The following DGCR2 variants were observed in gnomAD, a reference collection of about 807,000 sequenced individuals.
DGCR2 encodes DiGeorge syndrome critical region gene 2.
A neutral mutation model predicts 51.6 loss-of-function variants in DGCR2; 24 were observed. That is an observed-to-expected ratio of 0.47 (90% CI 0.34 to 0.65). The LOEUF (loss-of-function observed/expected upper bound fraction) is 0.65, where lower values mean the gene tolerates loss of function less well. Ranked by LOEUF, DGCR2 falls within the 30% of genes least tolerant of loss-of-function variation. The probability of loss-of-function intolerance (pLI) is 0.01; values close to 1 mark genes in which losing one functional copy is unlikely to be tolerated. For synonymous variants in DGCR2, 340 were observed against 315.4 expected (o/e 1.08, Z -0.82); for missense variants, 765 against 772.1 (o/e 0.99, Z 0.11).
chr22:19,038,963 C>A lies in DGCR2; in HGVS notation c.1555G>T (p.Val519Leu), dbSNP rs138506410. ...DSADSSSALL[V>L]PPDPAQSGST... ...CCGCTCTGGGCAGGGTCAGGGGGCA[C>A]GAGCAGGGCGCTGCTGCTGTCGGCA... The change falls in exon 10 of 10, where the codon GTG (valine) becomes TTG (leucine). Residue 519 changes from valine to leucine, a missense_variant. Transcript: ENST00000263196. 1.2e-6 allele frequency: 2 copies of A among 1,611,804 alleles called. No individual in the cohort carries two copies. Among genetic ancestry groups the A allele is most frequent in the Non-Finnish European group, 1.7e-6 (2 of 1,179,406 alleles).
intron 1 of DGCR2, among the ~76,000 whole-genome samples, chr22:19,101,003 G>T (rs1360241364): frequency 6.6e-6 from 1 of 152,070 alleles, no homozygotes; most frequent in Non-Finnish European, 1.5e-5. Context: ...CTACTCGGGA[G>T]GCTGAAGTGG....
At chr22:19,056,376 T>A (rs1601522012) in intron 6 of DGCR2, 1 of 363,858 alleles carries the variant, frequency 2.7e-6, no homozygotes, top group Non-Finnish European at 5.1e-6. Context: ...CTCGGCAACA[T>A]CACACACATG....
Position 19,048,480 on chromosome 22 carries a change from C to T in DGCR2, c.966G>A (p.Lys322=). 1 of 1,614,208 alleles carries T rather than the reference C, an allele frequency of 6.2e-7. No homozygotes were observed. Among genetic ancestry groups the T allele is most frequent in the Non-Finnish European group, 8.5e-7 (1 of 1,180,044 alleles). Residue 322 remains lysine, a synonymous_variant, in exon 7 of 10, where the codon AAG becomes AAA. Coordinates refer to ENST00000263196, the MANE Select transcript of DGCR2 (RefSeq NM_005137.3). Reference sequence around the variant, plus strand: ...TGAACTTGCAGCACTCTTTGGGGTCCTTGCGGTACTGTTGGCAGCCCTGGG... The same window carrying T: ...TGAACTTGCAGCACTCTTTGGGGTCTTTGCGGTACTGTTGGCAGCCCTGGG... ...ERPQGCQQYR[K]DPKECCKFMC...
rs2082377183 is a variant in DGCR2, at chr22:19,037,062, C to T, written c.*1803G>A. On this transcript the variant is annotated 3_prime_UTR_variant, in exon 10 of 10. Transcript: ENST00000263196. ...ATGCACATGCCTGCTGCTCTGGAACCTGGCTGCCCTGCCCCAGTGCATGTG... is the reference window on the plus strand; with the variant it reads ...ATGCACATGCCTGCTGCTCTGGAACTTGGCTGCCCTGCCCCAGTGCATGTG... 1 of 152,450 alleles carries T rather than the reference C, an allele frequency of 6.6e-6. No homozygotes were observed. The highest frequency in any genetic ancestry group is 2.1e-4 in the South Asian group (1 of 4,828). 9.4% of individuals were successfully genotyped at this position (152,450 alleles called of 1,614,324 possible).
chr22:19,083,097 A>G (rs1215901773), intron 2 of DGCR2, among the ~76,000 whole-genome samples: 1 of 152,118 alleles, frequency 6.6e-6, no homozygotes, highest in Non-Finnish European at 1.5e-5. Context: ...AAAAAAAAAA[A>G]AAAAGAAAAA....
intron 2 of DGCR2, among the ~76,000 whole-genome samples, chr22:19,077,543 A>G (rs1292194289): frequency 6.6e-6 from 1 of 152,204 alleles, no homozygotes; most frequent in Non-Finnish European, 1.5e-5. Flanking sequence ...CCATTGGTCT[A>G]TATGTCTGTC....
rs569030996 is a variant in DGCR2 at position 19,079,666 on chromosome 22, T to C, written c.202+9702A>G. 2.3e-3 allele frequency among the ~76,000 whole-genome samples: 343 copies of C among 152,364 alleles called. 2 individuals are homozygous for C. The highest frequency in any genetic ancestry group is 4.3e-3 in the Non-Finnish European group (290 of 68,038). On this transcript the variant is annotated intron_variant, in intron 2 of 9. Transcript: ENST00000263196. ...ATGTAATCCTCACAACAACCCCAAG[T>C]GACAGGCACTATTATTTTCTCCATT...
At chr22:19,087,400 T>C (rs143013093) in intron 2 of DGCR2, among the ~76,000 whole-genome samples, 43 of 152,120 alleles carry the variant, frequency 2.8e-4, no homozygotes, top group East Asian at 9.7e-4. Context: ...ATTCTTTTCT[T>C]TTTTTTTGAA....
chr22:19,071,081 C>T (rs796799825), intron 2 of DGCR2, among the ~76,000 whole-genome samples: 8 of 152,378 alleles, frequency 5.3e-5, no homozygotes, highest in African/African-American at 1.9e-4. Flanking sequence ...TCCACCTCCA[C>T]CAGGGCCATG....
chr22:19,121,495 G>A (rs1171575167), intron 1 of DGCR2: 1 of 152,234 alleles, frequency 6.6e-6, no homozygotes, highest in Non-Finnish European at 1.5e-5. Flanking sequence ...CCCCACCACA[G>A]ACTTAAGAAC....
rs111958116 is a variant in DGCR2 at position 19,048,011 on chromosome 22, G to A, written c.1006+429C>T. On this transcript the variant is annotated intron_variant, in intron 7 of 9. Coordinates refer to ENST00000263196, the MANE Select transcript of DGCR2 (RefSeq NM_005137.3). Reference sequence around the variant, plus strand: ...GTTGAAGACCTGGTCTGGACAACATGGCGAAACCCCGTCTCTACTAAAAAT... The same window carrying A: ...GTTGAAGACCTGGTCTGGACAACATAGCGAAACCCCGTCTCTACTAAAAAT... The A allele has an allele frequency of 6.4e-3, 1,505 of 234,424 alleles. 8 individuals carry two copies. Among genetic ancestry groups the A allele is most frequent in the Non-Finnish European group, 0.01 (1,208 of 116,106 alleles). 14.5% of individuals were successfully genotyped at this position (234,424 alleles called of 1,614,324 possible).
At chr22:19,102,310 G>C (rs559945611) in intron 1 of DGCR2, among the ~76,000 whole-genome samples, 1 of 152,222 alleles carries the variant, frequency 6.6e-6, no homozygotes, top group Non-Finnish European at 1.5e-5. Context: ...TATAGTTTCT[G>C]TTTGGATTGA....
At chr22:19,087,153 C>G (rs923385813) in intron 2 of DGCR2, among the ~76,000 whole-genome samples, 3 of 152,126 alleles carry the variant, frequency 2.0e-5, no homozygotes, top group Admixed American at 6.5e-5. Context: ...GCTGACCAAC[C>G]AGGGAACTTC....
intron 2 of DGCR2, among the ~76,000 whole-genome samples, chr22:19,078,601 T>C (rs529055115): frequency 6.6e-6 from 1 of 152,210 alleles, no homozygotes; most frequent in Non-Finnish European, 1.5e-5. Context: ...TTCAATACTA[T>C]GGTGAATAAG....
At chr22:19,043,760 C>T (rs2082458757) in intron 7 of DGCR2, among the ~76,000 whole-genome samples, 1 of 152,192 alleles carries the variant, frequency 6.6e-6, no homozygotes, top group Non-Finnish European at 1.5e-5. Context: ...GGCTGGGTTC[C>T]CAGAGCCCTC....
chr22:19,101,068 G>A (rs758348247), intron 1 of DGCR2, among the ~76,000 whole-genome samples: 10 of 152,190 alleles, frequency 6.6e-5, no homozygotes, highest in East Asian at 1.9e-4. Flanking sequence ...CCGAGACTGC[G>A]CCATTGTACT....
At chr22:19,051,080 T>C (rs998297281) in intron 6 of DGCR2, among the ~76,000 whole-genome samples, 11 of 150,466 alleles carry the variant, frequency 7.3e-5, no homozygotes, top group African/African-American at 2.7e-4. Flanking sequence ...TCCCAGCTAC[T>C]TGGGAAGGTG....
chr22:19,063,425 G>T (rs1468041641), intron 4 of DGCR2, 147 bp from the exon 5 acceptor site: 7 of 724,242 alleles, frequency 9.7e-6, no homozygotes, highest in South Asian at 8.7e-5. Context: ...ACTGCAACTT[G>T]ACTTCCTGGT....
In DGCR2 at chr22:19,063,210, G is replaced by A. The variant is rs931311506; in HGVS notation, c.617C>T (p.Ala206Val). ...NRSLEGRWEV[A>V]FKGSSEVFLP... is the part of the protein sequence containing the mutation. ...ACACCAGAAGGGCTCACCTTTGAAT[G>A]CCACCTCCCAGCGACCTTCCAAGGA... The change falls in exon 5 of 10, where the codon GCA (alanine) becomes GTA (valine). Residue 206 changes from alanine to valine, a missense_variant. This residue lies in a region of DGCR2 where 370 missense variants were observed against 325.5 expected (regional missense o/e 1.14). Transcript: ENST00000263196. The A allele has an allele frequency of 5.6e-6, 9 of 1,614,122 alleles. No individual in the cohort carries two copies. Among genetic ancestry groups the A allele is most frequent in the Non-Finnish European group, 6.8e-6 (8 of 1,179,994 alleles).
Sources: gnomAD v4.1 joint callset for allele counts (sites outside exome capture counted in the v4.1 genomes callset) on GRCh38, gnomAD v4.1.1 for gene constraint, gnomAD v4.1.1 regional missense constraint, MANE v1.5 for transcripts, NCBI Gene and HGNC (gene_info 2026-07-23, HGNC 2026-07-21) for gene names.